Variants in ARHGEF39 observed in about 807,000 individuals in gnomAD.
ARHGEF39 encodes Rho guanine nucleotide exchange factor (GEF) 39.
Under a neutral mutation model 47.5 loss-of-function variants are expected in ARHGEF39, and 45 were observed. The ratio of observed to expected loss-of-function variants is 0.95; its 90% CI spans 0.75 to 1.22. The LOEUF (loss-of-function observed/expected upper bound fraction) is 1.22. Ranked by LOEUF, ARHGEF39 falls within the 50% of genes most tolerant of loss-of-function variation. The pLI is 0.00. For missense variants in ARHGEF39, 411 were observed against 425.3 expected, an observed-to-expected ratio of 0.97 and a Z score of 0.30; for synonymous variants, 164 against 167.8, an observed-to-expected ratio of 0.98 and a Z score of 0.17.
rs756486459 is a variant in ARHGEF39 at position 35,664,504 on chromosome 9, A to G, written c.234-12T>C. ...AGGGAAGCAGCTCCCTGTGTGGGCAAGGACAGCAAAAGGGCAGCTCTAGAA... is the reference window on the plus strand; with the variant it reads ...AGGGAAGCAGCTCCCTGTGTGGGCAGGGACAGCAAAAGGGCAGCTCTAGAA... On this transcript the variant is annotated splice_polypyrimidine_tract_variant and intron_variant, in intron 2 of 8. Coordinates refer to ENST00000378387, the MANE Select transcript of ARHGEF39 (RefSeq NM_032818.3). 2 of 1,586,964 alleles carry G rather than the reference A, an allele frequency of 1.3e-6. No homozygotes were observed. The highest frequency in any genetic ancestry group is 2.3e-5 in the South Asian group (2 of 87,142).
rs1339374 is a variant in ARHGEF39, at chr9:35,660,993, A to T, written c.*994T>A. 2 of 1,613,938 alleles carry T rather than the reference A, an allele frequency of 1.2e-6. No individual in the cohort carries two copies. The highest frequency in any genetic ancestry group is 3.3e-5 in the Admixed American group (2 of 60,014). On this transcript the variant is annotated 3_prime_UTR_variant, in exon 9 of 9. Transcript: ENST00000378387. ...CTGTTTAAAGGAGGACGAGGAGGAG[A>T]TTGGTGACAGTCAGGCCTGGGAGGA... is the stretch of plus-strand genomic sequence containing the variant.
chr9:35,660,554 C>T lies in ARHGEF39; in HGVS notation c.*1433G>A. Reference sequence around the variant, plus strand: ...TCTGCCCCCTTTTTTCCCTTATCCCCAGAGCAACAGCTGGCCCAGTTGACA... The same window carrying T: ...TCTGCCCCCTTTTTTCCCTTATCCCTAGAGCAACAGCTGGCCCAGTTGACA... On this transcript the variant is annotated 3_prime_UTR_variant, in exon 9 of 9. Transcript: ENST00000378387. 6.2e-7 allele frequency: 1 copy of T among 1,614,102 alleles called. No individual in the cohort carries two copies. Among genetic ancestry groups the T allele is most frequent in the Non-Finnish European group, 8.5e-7 (1 of 1,180,022 alleles).
Position 35,661,299 on chromosome 9 carries a change from G to T in ARHGEF39, c.*688C>A. 1 of 732,044 alleles carries T rather than the reference G, an allele frequency of 1.4e-6. No homozygotes were observed. The allele number at this position is 732,044 out of a possible 1,614,324, so 45.3% of individuals were successfully genotyped here. On this transcript the variant is annotated 3_prime_UTR_variant, in exon 9 of 9. Transcript: ENST00000378387. ...GCTGTCCTTATTAGGACAAAAAGAG[G>T]CTGCCTTCCAGTGTGACAGCAGAGA... is the stretch of plus-strand genomic sequence containing the variant.
intron 4 of ARHGEF39, 116 bp from the exon 5 acceptor site, chr9:35,663,508 T>C: frequency 3.5e-6 from 3 of 867,640 alleles, no homozygotes. Context: ...AAGATCTGCT[T>C]CTGGCTACTG....
chr9:35,661,003 G>A lies in ARHGEF39; in HGVS notation c.*984C>T, dbSNP rs1440372481. 6.2e-6 allele frequency: 10 copies of A among 1,613,138 alleles called. No individual in the cohort carries two copies. Among genetic ancestry groups the A allele is most frequent in the Non-Finnish European group, 8.5e-6 (10 of 1,179,976 alleles). The stretch of plus-strand genomic sequence containing the variant: ...GAGGACGAGGAGGAGATTGGTGACA[G>A]TCAGGCCTGGGAGGAGCCCACAAAC... On this transcript the variant is annotated 3_prime_UTR_variant, in exon 9 of 9. Transcript: ENST00000378387.
intron 4 of ARHGEF39, 91 bp from the exon 5 acceptor site, chr9:35,663,483 A>G: frequency 4.5e-6 from 5 of 1,117,488 alleles, no homozygotes; most frequent in Non-Finnish European, 6.6e-6. Context: ...CCCATACTTC[A>G]ATTGAAGGCC....
At position 35,664,506 on chromosome 9, in the gene ARHGEF39, G is replaced by C; in HGVS notation, c.234-14C>G. ...GGAAGCAGCTCCCTGTGTGGGCAAGGACAGCAAAAGGGCAGCTCTAGAACC... is the reference window on the plus strand; with the variant it reads ...GGAAGCAGCTCCCTGTGTGGGCAAGCACAGCAAAAGGGCAGCTCTAGAACC... On this transcript the variant is annotated splice_polypyrimidine_tract_variant and intron_variant, in intron 2 of 8. Coordinates refer to ENST00000378387, the MANE Select transcript of ARHGEF39 (RefSeq NM_032818.3). The C allele has an allele frequency of 6.3e-7, 1 of 1,589,504 alleles. No individual in the cohort carries two copies. The highest frequency in any genetic ancestry group is 8.5e-7 in the Non-Finnish European group (1 of 1,170,884).
chr9:35,660,537 C>CT lies in ARHGEF39; in HGVS notation c.*1449dup, dbSNP rs1823866127. The CT allele has an allele frequency of 6.2e-7, 1 of 1,613,354 alleles. No individual in the cohort carries two copies. The highest frequency in any genetic ancestry group is 2.2e-5 in the East Asian group (1 of 44,898). ...GAAGATACATAACCACTTCTGCCCCCTTTTTTCCCTTATCCCCAGAGCAAC... is the reference window on the plus strand; with the variant it reads ...GAAGATACATAACCACTTCTGCCCCCTTTTTTTCCCTTATCCCCAGAGCAAC... On this transcript the variant is annotated 3_prime_UTR_variant, in exon 9 of 9. Coordinates refer to ENST00000378387, the MANE Select transcript of ARHGEF39 (RefSeq NM_032818.3).
chr9:35,661,107 G>A lies in ARHGEF39; in HGVS notation c.*880C>T. 1.2e-6 allele frequency: 2 copies of A among 1,614,094 alleles called. No homozygotes were observed. The highest frequency in any genetic ancestry group is 8.5e-7 in the Non-Finnish European group (1 of 1,179,970). On this transcript the variant is annotated 3_prime_UTR_variant, in exon 9 of 9. Coordinates refer to ENST00000378387, the MANE Select transcript of ARHGEF39 (RefSeq NM_032818.3). ...ACGGAGAAGGTGCAGCCAGGCTGTG[G>A]CAAAGGGCCCCAGTCACAGCCTTGG... is the stretch of plus-strand genomic sequence containing the variant.
chr9:35,660,756 C>A lies in ARHGEF39; in HGVS notation c.*1231G>T. The A allele has an allele frequency of 6.2e-7, 1 of 1,613,772 alleles. No individual in the cohort carries two copies. Among genetic ancestry groups the A allele is most frequent in the East Asian group, 2.2e-5 (1 of 44,902 alleles). ...TGGACATTTCTTCAGTGTGACTACT[C>A]TGGCTGGAGCCCAGCAGGAGCTTCT... On this transcript the variant is annotated 3_prime_UTR_variant, in exon 9 of 9. Coordinates refer to ENST00000378387, the MANE Select transcript of ARHGEF39 (RefSeq NM_032818.3).
intron 4 of ARHGEF39, 136 bp downstream of exon 4, chr9:35,663,872 C>A: frequency 2.2e-6 from 2 of 900,746 alleles, no homozygotes; most frequent in Admixed American, 2.2e-5. Context: ...TTTACTCTTG[C>A]AAAAGGTTTT....
At position 35,663,990 on chromosome 9, in the gene ARHGEF39, A is replaced by C. The variant is rs781773789; in HGVS notation, c.473+18T>G. ...CAAACTAAAAGAGAGAGGCGGCTGG[A>C]ATCAAGAGTTCACTCACTGCTGGAG... is the stretch of plus-strand genomic sequence containing the variant. On this transcript the variant is annotated intron_variant, in intron 4 of 8. Transcript: ENST00000378387. 1 of 1,607,148 alleles carries C rather than the reference A, an allele frequency of 6.2e-7. No individual in the cohort carries two copies. The highest frequency in any genetic ancestry group is 1.7e-5 in the Admixed American group (1 of 59,970).
In ARHGEF39 at chr9:35,661,036, C is replaced by G. The variant is rs775450547; in HGVS notation, c.*951G>C. Reference sequence around the variant, plus strand: ...TGGGAGGAGCCCACAAACTGGAGCACAGAGACATGGAACCTAGCTACTTCC... The same window carrying G: ...TGGGAGGAGCCCACAAACTGGAGCAGAGAGACATGGAACCTAGCTACTTCC... On this transcript the variant is annotated 3_prime_UTR_variant, in exon 9 of 9. Transcript: ENST00000378387. 4.3e-6 allele frequency: 7 copies of G among 1,614,196 alleles called. No individual in the cohort carries two copies. Among genetic ancestry groups the G allele is most frequent in the Non-Finnish European group, 5.1e-6 (6 of 1,180,038 alleles).
chr9:35,663,215 A>C, intron 5 of ARHGEF39, 107 bp downstream of exon 5: 1 of 1,546,846 alleles, frequency 6.5e-7, no homozygotes, highest in Non-Finnish European at 8.9e-7. Flanking sequence ...CACTGTATAC[A>C]TGTCAGTGGA....
chr9:35,664,211 A>C, intron 3 of ARHGEF39, 85 bp from the exon 4 acceptor site: 1 of 1,535,812 alleles, frequency 6.5e-7, no homozygotes, highest in Non-Finnish European at 9.0e-7. Flanking sequence ...CCCAGCCTTC[A>C]GTAAGCTGTG....
rs895168551 is a variant in ARHGEF39 at position 35,660,766 on chromosome 9, C to G, written c.*1221G>C. ...TTCAGTGTGACTACTCTGGCTGGAGCCCAGCAGGAGCTTCTGAACATGAAG... is the reference window on the plus strand; with the variant it reads ...TTCAGTGTGACTACTCTGGCTGGAGGCCAGCAGGAGCTTCTGAACATGAAG... On this transcript the variant is annotated 3_prime_UTR_variant, in exon 9 of 9. Transcript: ENST00000378387. The G allele has an allele frequency of 6.2e-7, 1 of 1,613,850 alleles. No homozygotes were observed. Among genetic ancestry groups the G allele is most frequent in the African/African-American group, 1.3e-5 (1 of 75,004 alleles).
rs10441685 is a variant in ARHGEF39 at position 35,661,060 on chromosome 9, C to T, written c.*927G>A. ...ACAGAGACATGGAACCTAGCTACTTCCTGGGAGGTGGGGCGGGGACTACGG... is the reference window on the plus strand; with the variant it reads ...ACAGAGACATGGAACCTAGCTACTTTCTGGGAGGTGGGGCGGGGACTACGG... On this transcript the variant is annotated 3_prime_UTR_variant, in exon 9 of 9. Transcript: ENST00000378387. 3.1e-6 allele frequency: 5 copies of T among 1,613,994 alleles called. No individual in the cohort carries two copies. Among genetic ancestry groups the T allele is most frequent in the Non-Finnish European group, 3.4e-6 (4 of 1,180,038 alleles).
rs1258848113 is a variant in ARHGEF39 at position 35,659,551 on chromosome 9, GC to G, written c.*2435del. The G allele has an allele frequency of 6.6e-6, 1 of 152,212 alleles. No individual in the cohort carries two copies. The highest frequency in any genetic ancestry group is 1.5e-5 in the Non-Finnish European group (1 of 68,038). 9.4% of individuals were successfully genotyped at this position (152,212 alleles called of 1,614,324 possible). ...GGGAACATGGCACTGTGCTTCACCT[GC>G]CAATCAGAATGCCCCTGGAGAATTG... On this transcript the variant is annotated 3_prime_UTR_variant, in exon 9 of 9. Coordinates refer to ENST00000378387, the MANE Select transcript of ARHGEF39 (RefSeq NM_032818.3).
chr9:35,663,232 G>A lies in ARHGEF39; in HGVS notation c.544+90C>T, dbSNP rs758152797. ...CTGTATACATGTCAGTGGAAGATAGGGTCATACCAGACATTGTTGGAGGTC... is the reference window on the plus strand; with the variant it reads ...CTGTATACATGTCAGTGGAAGATAGAGTCATACCAGACATTGTTGGAGGTC... On this transcript the variant is annotated intron_variant, in intron 5 of 8. Transcript: ENST00000378387. 9 of 1,554,582 alleles carry A rather than the reference G, an allele frequency of 5.8e-6. No homozygotes were observed. In the South Asian group the frequency reaches 6.7e-5, roughly 12 times the overall value.
Sources: allele counts gnomAD v4.1 joint callset, GRCh38; gene constraint gnomAD v4.1.1; transcripts MANE v1.5; gene names NCBI Gene and HGNC (gene_info 2026-07-23, HGNC 2026-07-21).